The following MACROD2 variants were observed in gnomAD, a reference collection of about 807,000 sequenced individuals.
MACROD2 encodes ADP-ribose glycohydrolase MACROD2.
In MACROD2, 36 loss-of-function variants were observed where a neutral mutation model predicts 70.4. The ratio of observed to expected loss-of-function variants is 0.51; its 90% CI spans 0.39 to 0.68. MACROD2 has a LOEUF of 0.68. Ranked by LOEUF, MACROD2 falls within the 30% of genes least tolerant of loss-of-function variation. The pLI, the probability that MACROD2 is intolerant of heterozygous loss-of-function variation, is 0.00. For missense variants in MACROD2, 496 were observed against 538.4 expected, an observed-to-expected ratio of 0.92 and a Z score of 0.78; for synonymous variants, 172 against 178.8, an observed-to-expected ratio of 0.96 and a Z score of 0.30.
At chr20:14,487,077 T>G (rs1395824509) in intron 3 of MACROD2, among the ~76,000 whole-genome samples, 1 of 152,180 alleles carries the variant, frequency 6.6e-6, no homozygotes, top group Non-Finnish European at 1.5e-5. Context: ...CAGAAAACTA[T>G]TCCTAAAGAT....
At chr20:14,507,538 A>G (rs1051955378) in intron 4 of MACROD2, among the ~76,000 whole-genome samples, 1 of 152,188 alleles carries the variant, frequency 6.6e-6, no homozygotes, top group East Asian at 1.9e-4. Flanking sequence ...TGTTATTTAT[A>G]TATATATACA....
At chr20:14,275,067 A>G (rs1287238964) in intron 3 of MACROD2, among the ~76,000 whole-genome samples, 1 of 152,232 alleles carries the variant, frequency 6.6e-6, no homozygotes, top group African/African-American at 2.4e-5. Flanking sequence ...AAGGTAATTT[A>G]TAGATTCAAT....
At chr20:15,333,876 C>T (rs1292542218) in intron 6 of MACROD2, among the ~76,000 whole-genome samples, 1 of 151,522 alleles carries the variant, frequency 6.6e-6, no homozygotes, top group Non-Finnish European at 1.5e-5. Context: ...GGTTACTTTG[C>T]TTAAAAAAAT....
intron 6 of MACROD2, among the ~76,000 whole-genome samples, chr20:15,254,345 G>A (rs2077180563): frequency 6.6e-6 from 1 of 152,108 alleles, no homozygotes; most frequent in Non-Finnish European, 1.5e-5. Flanking sequence ...AATAACTCTT[G>A]GTGGATGTTC....
chr20:15,133,367 A>G (rs1228689468), intron 5 of MACROD2, among the ~76,000 whole-genome samples: 1 of 152,188 alleles, frequency 6.6e-6, no homozygotes, highest in Admixed American at 6.5e-5. Context: ...AAAAATATGA[A>G]CAGTTCATTT....
intron 7 of MACROD2, among the ~76,000 whole-genome samples, chr20:15,451,440 A>G (rs892280879): frequency 6.7e-6 from 1 of 148,630 alleles, no homozygotes; most frequent in Non-Finnish European, 1.5e-5. Context: ...AAAAAAAAAA[A>G]AAAGAGTCAC....
chr20:15,945,064 A>T (rs959510135), intron 12 of MACROD2, among the ~76,000 whole-genome samples: 5 of 152,142 alleles, frequency 3.3e-5, no homozygotes, highest in Admixed American at 3.3e-4. Flanking sequence ...TTCGCAAATT[A>T]TTTAGTCTTT....
intron 15 of MACROD2, among the ~76,000 whole-genome samples, chr20:16,016,183 G>A (rs1225919776): frequency 2.0e-5 from 3 of 151,974 alleles, no homozygotes; most frequent in Non-Finnish European, 4.4e-5. Flanking sequence ...ACACTATCAG[G>A]TTACTTGATT....
chr20:15,859,816 T>TCAC (rs2064400827), intron 8 of MACROD2, among the ~76,000 whole-genome samples: 2 of 148,948 alleles, frequency 1.3e-5, no homozygotes, highest in Non-Finnish European at 3.0e-5. Context: ...ACTTAAATCA[T>TCAC]TTCCATGGCA....
intron 5 of MACROD2, among the ~76,000 whole-genome samples, chr20:14,945,278 A>G (rs536912089): frequency 6.6e-6 from 1 of 151,760 alleles, no homozygotes; most frequent in South Asian, 2.1e-4. Flanking sequence ...GGTTTTCATC[A>G]TATTTGCCAG....
intron 3 of MACROD2, among the ~76,000 whole-genome samples, chr20:14,343,231 TA>T (rs1405360980): frequency 7.9e-6 from 1 of 127,036 alleles, no homozygotes; most frequent in Non-Finnish European, 1.9e-5. Context: ...TCACTTGTTT[TA>T]AAATGTTAAA....
chr20:14,066,324 A>AT (rs1280602952), intron 2 of MACROD2, among the ~76,000 whole-genome samples: 1 of 152,158 alleles, frequency 6.6e-6, no homozygotes, highest in Non-Finnish European at 1.5e-5. Context: ...TATATATCTT[A>AT]TTCTCTGCTA....
intron 3 of MACROD2, among the ~76,000 whole-genome samples, chr20:14,267,406 G>A (rs182099294): frequency 9.5e-4 from 144 of 152,224 alleles, no homozygotes; most frequent in African/African-American, 3.3e-3. Flanking sequence ...TGGTAGGGAA[G>A]CACTGACTTA....
rs192449706 is a variant in MACROD2 at position 14,775,272 on chromosome 20, C to T, written c.418+90313C>T. ...GGCTTAGCAAGTGGCTGTATTAGTC[C>T]ATTTGTCTTGCTGTAAAGGAATACC... On this transcript the variant is annotated intron_variant, in intron 5 of 17. Transcript: ENST00000684519. Among the ~76,000 whole-genome samples, 248 of 152,068 alleles carry T rather than the reference C, an allele frequency of 1.6e-3. 2 individuals are homozygous for T. The highest frequency in any genetic ancestry group is 5.6e-3 in the African/African-American group (232 of 41,464).
chr20:15,151,339 G>A (rs1379580760), intron 5 of MACROD2, among the ~76,000 whole-genome samples: 5 of 152,066 alleles, frequency 3.3e-5, no homozygotes, highest in East Asian at 1.9e-4. Context: ...TGGCTGCTGC[G>A]GTTCAGGCGT....
intron 10 of MACROD2, among the ~76,000 whole-genome samples, chr20:15,923,228 T>G (rs1019076653): frequency 6.6e-6 from 1 of 152,176 alleles, no homozygotes; most frequent in Non-Finnish European, 1.5e-5. Context: ...TTAATTTGAC[T>G]TACAGTTTCA....
chr20:14,702,661 GTGTATATATATATACACATATA>G (rs2071218632), intron 5 of MACROD2, among the ~76,000 whole-genome samples: 1 of 73,594 alleles, frequency 1.4e-5, no homozygotes, highest in African/African-American at 4.9e-5. Flanking sequence ...ACATATATAT[GTGTATATATATATACACATATA>G]TGTGTATATA....
chr20:14,189,237 T>C (rs886892957), intron 3 of MACROD2, among the ~76,000 whole-genome samples: 14 of 152,128 alleles, frequency 9.2e-5, no homozygotes, highest in African/African-American at 2.7e-4. Context: ...AAAAACATAA[T>C]GTTAAAAAAA....
Position 15,400,026 on chromosome 20 carries a change from A to T in MACROD2, c.541-31379A>T, listed in dbSNP as rs377572375. ...CAATGACCAGGAACCACGCTGGCTG[A>T]CTCACACTTAACTGCCCTCCAAGAA... On this transcript the variant is annotated intron_variant, in intron 6 of 17. Transcript: ENST00000684519. Among the ~76,000 whole-genome samples the T allele has an allele frequency of 3.3e-5, 5 of 152,294 alleles. No homozygotes were observed. In the South Asian group the frequency reaches 6.2e-4, roughly 19 times the overall value.
Sources: allele counts gnomAD v4.1 joint callset (sites outside exome capture counted in the v4.1 genomes callset), GRCh38; gene constraint gnomAD v4.1.1; transcripts MANE v1.5; gene names NCBI Gene and HGNC (gene_info 2026-07-23, HGNC 2026-07-21).